The following COMT variants were observed in gnomAD, a reference collection of about 807,000 sequenced individuals.
COMT encodes the protein catechol O-methyltransferase.
Under a neutral mutation model 18.9 loss-of-function variants are expected in COMT, and 13 were observed. The observed-to-expected ratio is 0.69, with a 90% CI of 0.45 to 1.09. COMT has a LOEUF of 1.09. COMT is among the 50% of genes least tolerant of loss of function. COMT has a pLI of 0.00. For missense variants in COMT, 329 were observed against 361.8 expected (o/e 0.91, Z 0.73); for synonymous variants, 150 against 160.9 (o/e 0.93, Z 0.51).
chr22:19,967,086 T>G (rs1942440651), intron 5 of COMT: 2 of 1,237,000 alleles, frequency 1.6e-6, no homozygotes, highest in Non-Finnish European at 2.1e-6. Context: ...CGTAAAGGAG[T>G]GGGCCCCTGG....
intron 4 of COMT, 55 bp downstream of exon 4, chr22:19,963,814 G>C: frequency 6.4e-7 from 1 of 1,558,714 alleles, no homozygotes; most frequent in Non-Finnish European, 8.7e-7. Flanking sequence ...TGTGGGCAGG[G>C]AGGGCATGCG....
chr22:19,956,023 C>CA (rs1942049270), intron 1 of COMT, among the ~76,000 whole-genome samples: 3 of 151,604 alleles, frequency 2.0e-5, no homozygotes, highest in Admixed American at 2.0e-4. Context: ...ACCAAAGTGT[C>CA]AATCACTCTT....
chr22:19,951,065 C>T (rs1941923111), intron 1 of COMT: 1 of 152,180 alleles, frequency 6.6e-6, no homozygotes, highest in South Asian at 2.1e-4. Flanking sequence ...AGGTAGCGTT[C>T]AGAAGAAGCC....
chr22:19,961,028 T>C (rs1942180349), intron 1 of COMT, among the ~76,000 whole-genome samples, 171 bp from the exon 2 acceptor site: 1 of 152,232 alleles, frequency 6.6e-6, no homozygotes, highest in South Asian at 2.1e-4. Flanking sequence ...TCTGAGGCCT[T>C]CTGCTGTCTC....
chr22:19,950,047 C>A (rs938517558), intron 1 of COMT, among the ~76,000 whole-genome samples: 1 of 152,036 alleles, frequency 6.6e-6, no homozygotes, highest in African/African-American at 2.4e-5. Context: ...TTTAGATATT[C>A]AATGAATGTC....
intron 1 of COMT, among the ~76,000 whole-genome samples, chr22:19,945,584 T>C (rs1243480020): frequency 6.6e-6 from 1 of 152,198 alleles, no homozygotes; most frequent in Non-Finnish European, 1.5e-5. Flanking sequence ...AAAAAGATAA[T>C]TGCTTCAATT....
chr22:19,946,217 T>C (rs1941833368), intron 1 of COMT, among the ~76,000 whole-genome samples: 1 of 152,050 alleles, frequency 6.6e-6, no homozygotes, highest in Admixed American at 6.6e-5. Context: ...CCAGGTGCAG[T>C]GGCTCAGGCC....
intron 1 of COMT, among the ~76,000 whole-genome samples, chr22:19,946,361 G>A (rs1039824596): frequency 6.6e-6 from 1 of 152,026 alleles, no homozygotes; most frequent in Non-Finnish European, 1.5e-5. Flanking sequence ...GGTAGCAGAC[G>A]CCTGTAATCC....
At chr22:19,946,381 G>A (rs1041426913) in intron 1 of COMT, among the ~76,000 whole-genome samples, 1 of 152,038 alleles carries the variant, frequency 6.6e-6, no homozygotes, top group African/African-American at 2.4e-5. Flanking sequence ...CCAACTACTC[G>A]GGAGGCTGAA....
rs1486250639 is a variant in COMT at position 19,969,926 on chromosome 22, T to G, written c.*1190T>G. The G allele has an allele frequency of 1.0e-6, 1 of 985,424 alleles. No individual in the cohort carries two copies. Among genetic ancestry groups the G allele is most frequent in the African/African-American group, 1.7e-5 (1 of 57,258 alleles). The allele number at this position is 985,424 out of a possible 1,614,324, so 61.0% of individuals were successfully genotyped here. ...TTGCTGCTTTAATTTTTAAATTTTC[T>G]TACAAAAATTTAGGTGTTTACCAAT... is the stretch of plus-strand genomic sequence containing the variant. On this transcript the variant is annotated 3_prime_UTR_variant, in exon 6 of 6. Transcript: ENST00000361682.
intron 5 of COMT, chr22:19,964,609 C>T (rs4646316): frequency 0.22 from 134,950 of 602,952 alleles, 15,749 homozygotes; most frequent in East Asian, 0.29. Context: ...AGGGCAGAAA[C>T]GGCACAGGAC....
chr22:19,946,206 C>A (rs1012857520), intron 1 of COMT, among the ~76,000 whole-genome samples: 2 of 151,936 alleles, frequency 1.3e-5, no homozygotes, highest in Non-Finnish European at 2.9e-5. Context: ...TGCTGTCACG[C>A]CCAGGTGCAG....
In COMT at chr22:19,968,573, C is replaced by A. The variant is rs376273380; in HGVS notation, c.653C>A (p.Ala218Asp). 3.1e-6 allele frequency: 5 copies of A among 1,613,980 alleles called. No homozygotes were observed. Among genetic ancestry groups the A allele is most frequent in the Non-Finnish European group, 4.2e-6 (5 of 1,180,018 alleles). The part of the protein sequence containing the change: ...GLLRKGTVLL[A>D]DNVICPGAPD... ...CTGCGGAAGGGGACAGTGCTACTGG[C>A]TGACAACGTGATCTGCCCAGGTGCG... Residue 218 changes from alanine to aspartate, a missense_variant, in exon 6 of 6, where the codon GCT (alanine) becomes GAT (aspartate). By Grantham distance (126) the Ala-to-Asp change is moderately radical. Coordinates refer to ENST00000361682, the MANE Select transcript of COMT (RefSeq NM_000754.4).
At chr22:19,951,358 C>CATAAA (rs1941933981) in intron 1 of COMT, 1 of 109,692 alleles carries the variant, frequency 9.1e-6, no homozygotes, top group Non-Finnish European at 1.7e-5. Context: ...GACTCTGTCC[C>CATAAA]AAAAAAAAAA....
chr22:19,962,461 A>C, intron 2 of COMT, 66 bp from the exon 3 acceptor site: 2 of 1,548,024 alleles, frequency 1.3e-6, no homozygotes, highest in Non-Finnish European at 1.7e-6. Flanking sequence ...CACTCCAAGC[A>C]AAGGGGCGTG....
chr22:19,967,318 G>C, intron 5 of COMT: 1 of 818,032 alleles, frequency 1.2e-6, no homozygotes, highest in Non-Finnish European at 1.8e-6. Context: ...CAGCCGCCCT[G>C]CTCAAGGCCT....
At chr22:19,948,265 C>T (rs1941872494) in intron 1 of COMT, among the ~76,000 whole-genome samples, 1 of 150,808 alleles carries the variant, frequency 6.6e-6, no homozygotes, top group South Asian at 2.1e-4. Flanking sequence ...TGAAATAAAC[C>T]TAATTAGTTT....
intron 1 of COMT, chr22:19,951,056 G>A (rs985862795): frequency 3.9e-5 from 6 of 152,230 alleles, no homozygotes; most frequent in African/African-American, 1.2e-4. Context: ...CCAGGAGGTA[G>A]GTAGCGTTCA....
chr22:19,952,974 AAATAAATAAATAAAT>A (rs1941979854), intron 1 of COMT, among the ~76,000 whole-genome samples: 1 of 105,058 alleles, frequency 9.5e-6, no homozygotes, highest in African/African-American at 4.4e-5. Context: ...ATAAATAAAT[AAATAAATAAATAAAT>A]AAATAAATAA....
Sources: gnomAD v4.1 joint callset for allele counts (sites outside exome capture counted in the v4.1 genomes callset) on GRCh38, gnomAD v4.1.1 for gene constraint, MANE v1.5 for transcripts, NCBI Gene and HGNC (gene_info 2026-07-23, HGNC 2026-07-21) for gene names.